Variants in RP1 observed in about 807,000 individuals in gnomAD.
The protein encoded by RP1 is oxygen-regulated protein 1.
RP1 carries 16 observed loss-of-function variants against 14.8 expected under a neutral mutation model. That is an observed-to-expected ratio of 1.08 (90% CI 0.73 to 1.65). RP1 has a LOEUF of 1.65. Ranked by LOEUF, RP1 falls within the 40% of genes most tolerant of loss-of-function variation. The probability of loss-of-function intolerance (pLI) is 0.00; values close to 1 mark genes in which losing one functional copy is unlikely to be tolerated. For missense variants in RP1, 2,631 were observed against 2,535.0 expected, an observed-to-expected ratio of 1.04 and a Z score of -0.81; for synonymous variants, 876 against 883.6, an observed-to-expected ratio of 0.99 and a Z score of 0.15.
At chr8:54,751,693 G>C (rs1261891855) in intron 19 of RP1, among the ~76,000 whole-genome samples, 2 of 152,176 alleles carry the variant, frequency 1.3e-5, no homozygotes, top group Non-Finnish European at 2.9e-5. Flanking sequence ...CCTGCCATTA[G>C]CTATCATGTA....
Position 54,599,959 on chromosome 8 carries a change from C to A in RP1, c.-12-20996C>A, listed in dbSNP as rs59794675. Among the ~76,000 whole-genome samples, 701 of 152,250 alleles carry A rather than the reference C, an allele frequency of 4.6e-3. 4 individuals carry two copies. The highest frequency in any genetic ancestry group is 0.016 in the African/African-American group (672 of 41,546). Reference sequence around the variant, plus strand: ...TTACTACCAGATGTGGATGGAAGCTCTGGCCACTTACACTGCCTCATTTGA... The same window carrying A: ...TTACTACCAGATGTGGATGGAAGCTATGGCCACTTACACTGCCTCATTTGA... On this transcript the variant is annotated intron_variant, in intron 1 of 22. Transcript: ENST00000636932.
chr8:54,682,026 T>C (rs764794450), intron 12 of RP1, among the ~76,000 whole-genome samples: 1 of 152,110 alleles, frequency 6.6e-6, no homozygotes, highest in Non-Finnish European at 1.5e-5. Flanking sequence ...ATCTTCATAA[T>C]AGTATGATTT....
chr8:54,726,917 G>A (rs1585639854), intron 17 of RP1, among the ~76,000 whole-genome samples: 1 of 151,808 alleles, frequency 6.6e-6, no homozygotes, highest in Non-Finnish European at 1.5e-5. Context: ...TTCTATATTG[G>A]TCCATTTGAT....
In RP1 at chr8:54,768,295, A is replaced by G. The variant is rs76326250; in HGVS notation, c.3249-1446A>G. Among the ~76,000 whole-genome samples, 43 of 152,276 alleles carry G rather than the reference A, an allele frequency of 2.8e-4. No homozygotes were observed. The East Asian group carries it at 6.9e-3, about 25-fold the overall frequency. On this transcript the variant is annotated intron_variant, in intron 22 of 22. Transcript: ENST00000636932. ...TCCTTTGCACTTCCCCATTCCTGCAATTGAGTTGGTCAGTCTCTTTTTCTG... is the reference window on the plus strand; with the variant it reads ...TCCTTTGCACTTCCCCATTCCTGCAGTTGAGTTGGTCAGTCTCTTTTTCTG...
At chr8:54,695,236 C>G (rs1585613902) in intron 12 of RP1, among the ~76,000 whole-genome samples, 1 of 151,920 alleles carries the variant, frequency 6.6e-6, no homozygotes, top group Non-Finnish European at 1.5e-5. Flanking sequence ...TGCTTTACTT[C>G]TTAAAATCGG....
At chr8:54,631,598 G>T (rs1285702358), downstream of RP1, among the ~76,000 whole-genome samples, 3 of 151,346 alleles carry the variant, frequency 2.0e-5, no homozygotes, top group African/African-American at 7.3e-5. Flanking sequence ...TTTCATGACT[G>T]GTTTACAGTA....
intron 22 of RP1, among the ~76,000 whole-genome samples, chr8:54,765,612 C>T (rs757363691): frequency 3.5e-4 from 53 of 152,210 alleles, no homozygotes; most frequent in Admixed American, 2.9e-3. Context: ...GAGTAGAGTA[C>T]GTTTCGCTTC....
intron 24 of RP1, among the ~76,000 whole-genome samples, chr8:54,807,947 G>A (rs530258332): frequency 1.1e-4 from 17 of 149,784 alleles, no homozygotes; most frequent in African/African-American, 4.0e-4. Context: ...CTGCTTTCCT[G>A]AGAGTCCACA....
intron 12 of RP1, among the ~76,000 whole-genome samples, chr8:54,693,347 C>A (rs1027601959): frequency 5.9e-5 from 9 of 152,102 alleles, no homozygotes; most frequent in Non-Finnish European, 1.3e-4. Flanking sequence ...TTTTCTAATT[C>A]TGTGAAGAAA....
intron 23 of RP1, chr8:54,781,076 G>A (rs545271014): frequency 1.0e-6 from 1 of 983,086 alleles, no homozygotes; most frequent in South Asian, 4.7e-5. Flanking sequence ...TCCTAAGGCT[G>A]TGGTTTCCAA....
At chr8:54,841,253 T>C (rs939847763) in intron 25 of RP1, among the ~76,000 whole-genome samples, 3 of 152,198 alleles carry the variant, frequency 2.0e-5, no homozygotes, top group Admixed American at 2.0e-4. Context: ...TTTGGGATTG[T>C]CTGTCCCTCT....
Position 54,622,120 on chromosome 8 carries a change from C to T in RP1, c.619C>T (p.Pro207Ser). 6.2e-7 allele frequency: 1 copy of T among 1,614,064 alleles called. No homozygotes were observed. Among genetic ancestry groups the T allele is most frequent in the Non-Finnish European group, 8.5e-7 (1 of 1,179,996 alleles). ...TAATGACTCTGGTCTCTTTTAGGTT[C>T]CCAGCCTCCAGGCAGTGATCCTGAG... The part of the protein sequence containing the change: ...KLYATDGRRV[P>S]SLQAVILSSG... The change falls in exon 3 of 4, where the codon CCC becomes TCC. Residue 207 changes from proline to serine, a missense_variant. Physicochemically the swap from Pro to Ser is moderately conservative, Grantham distance 74. Transcript: ENST00000220676.
intron 12 of RP1, among the ~76,000 whole-genome samples, chr8:54,682,625 T>TTAATTTACATTTCTC (rs1807462488): frequency 6.6e-6 from 1 of 152,068 alleles, no homozygotes; most frequent in South Asian, 2.1e-4. Context: ...TTACATTTCT[T>TTAATTTACATTTCTC]TAATTTACAT....
rs1444271998 is a variant in RP1 at position 54,629,130 on chromosome 8, G to A, written c.5248G>A (p.Glu1750Lys). ...TGACAAAGGCAAATGGCTTCTGAAA[G>A]AAAATCATTTGCTAAGGATGTCATC... ...LIDKGKWLLK[E>K]NHLLRMSSEN... The change falls in exon 4 of 4, where the codon GAA becomes AAA. Residue 1750 changes from glutamate to lysine, a missense_variant. By Grantham distance (56) the Glu-to-Lys change is moderately conservative. Transcript: ENST00000220676. The A allele has an allele frequency of 6.2e-7, 1 of 1,614,106 alleles. No individual in the cohort carries two copies. Among genetic ancestry groups the A allele is most frequent in the Admixed American group, 1.7e-5 (1 of 60,032 alleles).
chr8:54,762,098 G>T (rs990500531), intron 22 of RP1, among the ~76,000 whole-genome samples: 1 of 152,162 alleles, frequency 6.6e-6, no homozygotes, highest in African/African-American at 2.4e-5. Flanking sequence ...GGGGGAGCTG[G>T]GTAGGGTATG....
In RP1 at chr8:54,625,189, A is replaced by G. The variant is rs1435278772; in HGVS notation, c.1307A>G (p.Gln436Arg). The G allele has an allele frequency of 2.0e-5, 33 of 1,614,072 alleles. No homozygotes were observed. Among genetic ancestry groups the G allele is most frequent in the Non-Finnish European group, 2.7e-5 (32 of 1,180,044 alleles). ...ENATVDTDII[Q>R]GTQDQAKHRF... Reference sequence around the variant, plus strand: ...GCTACTGTGGACACAGATATCATCCAGGGAACTCAAGACCAAGCAAAGCAT... The same window carrying G: ...GCTACTGTGGACACAGATATCATCCGGGGAACTCAAGACCAAGCAAAGCAT... Residue 436 changes from glutamine (Q) to arginine (R), a missense_variant, in exon 4 of 4, where the codon CAG becomes CGG. By Grantham distance (43) the Gln-to-Arg change is conservative. Transcript: ENST00000220676.
chr8:54,673,749 AC>A, intron 7 of RP1: 1 of 1,045,682 alleles, frequency 9.6e-7, no homozygotes, highest in Non-Finnish European at 1.4e-6. Context: ...CAAAACAACA[AC>A]AACAACAACA....
rs773172841 is a variant in RP1, at chr8:54,621,334, G to C, written c.368G>C (p.Arg123Pro). 2.5e-6 allele frequency: 4 copies of C among 1,611,726 alleles called. No homozygotes were observed. The Admixed American group carries it at 6.7e-5, about 27-fold the overall frequency. The change falls in exon 2 of 4, where the codon CGC becomes CCC. Residue 123 changes from arginine to proline, a missense_variant. Arg to Pro is a moderately radical substitution (Grantham distance 103, BLOSUM62 -2). Transcript: ENST00000220676. ...GTAGACCTGGACAAAGCCCGTCGGC[G>C]CCCGCGGCCCTGGCTCAGCAGCCGG... The part of the protein sequence containing the change: ...QPVDLDKARR[R>P]PRPWLSSRAI...
intron 21 of RP1, chr8:54,755,829 A>G: frequency 1.5e-6 from 2 of 1,361,282 alleles, no homozygotes; most frequent in Non-Finnish European, 9.5e-7. Flanking sequence ...ATGGCCACAT[A>G]TGATTTAAAA....
Sources: allele counts gnomAD v4.1 joint callset (sites outside exome capture counted in the v4.1 genomes callset), GRCh38; gene constraint gnomAD v4.1.1; transcripts MANE v1.5; gene names NCBI Gene and HGNC (gene_info 2026-07-23, HGNC 2026-07-21).